Variants in TTC28 observed in about 807,000 individuals in gnomAD.
TTC28 encodes the protein tetratricopeptide repeat domain 28, also known as tetratricopeptide repeat protein 28.
Under a neutral mutation model 198.0 loss-of-function variants are expected in TTC28, and 61 were observed. That is an observed-to-expected ratio of 0.31 (90% CI 0.25 to 0.38). The LOEUF (loss-of-function observed/expected upper bound fraction) is 0.38. Among genes scored for constraint, TTC28 ranks in the 10% least tolerant of loss-of-function variants. The pLI is 1.00. For missense variants in TTC28, 2,678 were observed against 3,164.0 expected (o/e 0.85, Z 3.69); for synonymous variants, 1,171 against 1,297.8 (o/e 0.90, Z 2.10).
At chr22:28,404,405 C>G (rs542983420) in intron 2 of TTC28, among the ~76,000 whole-genome samples, 1 of 152,328 alleles carries the variant, frequency 6.6e-6, no homozygotes, top group East Asian at 1.9e-4. Context: ...GCGTGAGACA[C>G]CGCGCCCGGC....
At chr22:28,179,647 G>A (rs1463965692) in intron 5 of TTC28, among the ~76,000 whole-genome samples, 1 of 152,180 alleles carries the variant, frequency 6.6e-6, no homozygotes, top group East Asian at 1.9e-4. Context: ...CTTTGCTACA[G>A]ACTGTTCCAA....
intron 2 of TTC28, among the ~76,000 whole-genome samples, chr22:28,555,177 C>A (rs2049767386): frequency 1.3e-5 from 2 of 152,098 alleles, no homozygotes; most frequent in Admixed American, 6.6e-5. Context: ...GCAAGAATAG[C>A]CATAATGAAA....
chr22:28,454,956 T>G (rs1199141168), intron 2 of TTC28, among the ~76,000 whole-genome samples: 1 of 152,158 alleles, frequency 6.6e-6, no homozygotes, highest in Non-Finnish European at 1.5e-5. Flanking sequence ...ATGAGAAAGC[T>G]TTTTCTTCGT....
intron 2 of TTC28, among the ~76,000 whole-genome samples, chr22:28,390,563 C>T (rs1373121046): frequency 2.0e-5 from 3 of 152,160 alleles, no homozygotes; most frequent in South Asian, 2.1e-4. Flanking sequence ...ATAGTTAGCC[C>T]TTCTTGTTGA....
intron 13 of TTC28, among the ~76,000 whole-genome samples, chr22:28,026,882 A>G (rs1159988693): frequency 6.6e-6 from 1 of 152,204 alleles, no homozygotes; most frequent in Non-Finnish European, 1.5e-5. Flanking sequence ...TGTTGCGCCA[A>G]TGGTGGCTTA....
At chr22:28,003,006 C>G (rs1193905393) in intron 14 of TTC28, among the ~76,000 whole-genome samples, 2 of 152,172 alleles carry the variant, frequency 1.3e-5, no homozygotes, top group East Asian at 3.9e-4. Context: ...AAAAAAAGAG[C>G]TACAGTATTT....
intron 5 of TTC28, among the ~76,000 whole-genome samples, chr22:28,196,629 G>A (rs996505332): frequency 5.3e-5 from 8 of 152,110 alleles, no homozygotes; most frequent in African/African-American, 1.7e-4. Flanking sequence ...GTGAGTGAAG[G>A]ATATAAACAG....
chr22:28,239,425 T>C (rs1929499023), intron 5 of TTC28, among the ~76,000 whole-genome samples: 1 of 152,146 alleles, frequency 6.6e-6, no homozygotes, highest in Non-Finnish European at 1.5e-5. Context: ...ATGACTTTTC[T>C]TAAATCCATC....
intron 5 of TTC28, among the ~76,000 whole-genome samples, chr22:28,215,336 G>A (rs1165128400): frequency 6.6e-6 from 1 of 152,102 alleles, no homozygotes; most frequent in Non-Finnish European, 1.5e-5. Flanking sequence ...GTGCCTTCCA[G>A]CACTGAGTTT....
At chr22:28,345,560 T>C (rs2045891981) in intron 2 of TTC28, among the ~76,000 whole-genome samples, 1 of 152,186 alleles carries the variant, frequency 6.6e-6, no homozygotes, top group African/African-American at 2.4e-5. Context: ...AAAGCAACTT[T>C]GAGGGTTTGG....
At chr22:28,033,566 C>T (rs1289261967) in intron 12 of TTC28, among the ~76,000 whole-genome samples, 2 of 152,192 alleles carry the variant, frequency 1.3e-5, no homozygotes, top group Non-Finnish European at 2.9e-5. Context: ...TTAGTTCTCC[C>T]TTCTTACTAG....
At chr22:28,184,131 A>T (rs1487208274) in intron 5 of TTC28, among the ~76,000 whole-genome samples, 1 of 152,164 alleles carries the variant, frequency 6.6e-6, no homozygotes. Context: ...AAATGGGGGT[A>T]ATGATATCCA....
chr22:28,374,114 G>C (rs903893958), intron 2 of TTC28, among the ~76,000 whole-genome samples: 3 of 152,112 alleles, frequency 2.0e-5, no homozygotes, highest in Non-Finnish European at 4.4e-5. Flanking sequence ...CATTTGATGT[G>C]ATTCTAGGAA....
At chr22:28,502,785 T>C (rs2048555239) in intron 2 of TTC28, among the ~76,000 whole-genome samples, 1 of 151,928 alleles carries the variant, frequency 6.6e-6, no homozygotes, top group Non-Finnish European at 1.5e-5. Context: ...TTCACAAAAG[T>C]GAGAGGAAAG....
chr22:28,083,740 G>A (rs924042596), intron 12 of TTC28, among the ~76,000 whole-genome samples: 2 of 152,234 alleles, frequency 1.3e-5, no homozygotes, highest in African/African-American at 4.8e-5. Flanking sequence ...AGCACAAGGG[G>A]TCAGGGAATT....
chr22:28,285,900 C>T (rs1054088065), intron 5 of TTC28, among the ~76,000 whole-genome samples: 9 of 152,198 alleles, frequency 5.9e-5, no homozygotes, highest in African/African-American at 1.9e-4. Context: ...CCCTGAATTT[C>T]AACAGTGGAT....
intron 2 of TTC28, among the ~76,000 whole-genome samples, chr22:28,510,636 G>C (rs2048674984): frequency 6.6e-6 from 1 of 151,434 alleles, no homozygotes; most frequent in Admixed American, 6.6e-5. Context: ...CTCCAACATA[G>C]TATTGGAAGT....
chr22:28,662,991 G>A (rs1196961538), intron 1 of TTC28, among the ~76,000 whole-genome samples: 4 of 152,108 alleles, frequency 2.6e-5, no homozygotes, highest in Admixed American at 2.6e-4. Flanking sequence ...GCTCACACCT[G>A]TAATCCCAGT....
intron 2 of TTC28, among the ~76,000 whole-genome samples, chr22:28,533,895 G>C (rs561003990): frequency 2.7e-4 from 41 of 152,234 alleles, no homozygotes; most frequent in Non-Finnish European, 5.1e-4. Flanking sequence ...CTTACCCCTT[G>C]TACAAAAATT....
Sources: allele counts gnomAD v4.1 joint callset (sites outside exome capture counted in the v4.1 genomes callset), GRCh38; gene constraint gnomAD v4.1.1; transcripts MANE v1.5; gene names NCBI Gene and HGNC (gene_info 2026-07-23, HGNC 2026-07-21).